The following ATXN2L variants were observed in gnomAD, a reference collection of about 807,000 sequenced individuals.
ATXN2L encodes the protein ataxin 2 like.
In ATXN2L, 24 loss-of-function variants were observed where a neutral mutation model predicts 120.7. The ratio of observed to expected loss-of-function variants is 0.20; its 90% confidence interval spans 0.14 to 0.28. The LOEUF (loss-of-function observed/expected upper bound fraction) is 0.28. Ranked by LOEUF, ATXN2L falls within the 10% of genes least tolerant of loss-of-function variation. The pLI is 1.00. For synonymous variants in ATXN2L, 653 were observed against 568.1 expected (o/e 1.15, Z -2.13); for missense variants, 1,312 against 1,432.3 (o/e 0.92, Z 1.36).
chr16:28,826,107 T>G, intron 4 of ATXN2L, 133 bp from the exon 5 acceptor site: 1 of 1,083,352 alleles, frequency 9.2e-7, no homozygotes, highest in Non-Finnish European at 1.3e-6. Context: ...CCAAGCATGT[T>G]GAGGATGTAG....
At position 28,823,335 on chromosome 16, in the gene ATXN2L, C is replaced by T. The variant is rs777454949; in HGVS notation, c.76C>T (p.Arg26Trp). The change falls in exon 1 of 22, where the codon CGG becomes TGG. Residue 26 changes from arginine to tryptophan, a missense_variant. Coordinates refer to ENST00000336783, the MANE Select transcript of ATXN2L (RefSeq NM_007245.4). The part of the protein sequence containing the change: ...PPPTQQAVAR[R>W]PPGGTSPPNG... The stretch of plus-strand genomic sequence containing the variant: ...CCCCACGCAACAGGCCGTGGCCCGT[C>T]GGCCCCCCGGGGGCACCAGCCCTCC... The T allele has an allele frequency of 2.9e-6, 4 of 1,394,680 alleles. No homozygotes were observed. In the African/African-American group the frequency reaches 6.0e-5, roughly 21 times the overall value. The allele number at this position is 1,394,680 out of a possible 1,614,324, so 86.4% of individuals were successfully genotyped here.
chr16:28,823,454 CG>C lies in ATXN2L; in HGVS notation c.198del (p.Ser67AlafsTer71). The C allele has an allele frequency of 7.5e-7, 1 of 1,329,350 alleles. No individual in the cohort carries two copies. The highest frequency in any genetic ancestry group is 9.6e-7 in the Non-Finnish European group (1 of 1,045,726). 82.3% of individuals were successfully genotyped at this position (1,329,350 alleles called of 1,614,324 possible). Reference sequence around the variant, plus strand: ...CCTGCCTGGGGCCTGTGGCCGCTGCCGGGAGCGGGCTCCGCCGGGGAGCCGA... The same window carrying C: ...CCTGCCTGGGGCCTGTGGCCGCTGCCGGAGCGGGCTCCGCCGGGGAGCCGA... ...SPCLGPVAAA[G>X]SGLRRGAEGI... On this transcript the variant is annotated frameshift_variant, in exon 1 of 22. Transcript: ENST00000336783. LOFTEE classifies it high-confidence loss of function.
chr16:28,825,344 A>G, intron 1 of ATXN2L, 22 bp from the exon 2 acceptor site: 12 of 1,613,176 alleles, frequency 7.4e-6, no homozygotes, highest in Non-Finnish European at 1.0e-5. Context: ...AGACTTAAGT[A>G]ATTTCTTGTT....
At chr16:28,826,522 C>T (rs1363924017) in intron 5 of ATXN2L, 132 bp downstream of exon 5, 9 of 1,032,322 alleles carry the variant, frequency 8.7e-6, no homozygotes, top group African/African-American at 4.8e-5. Flanking sequence ...TGCTTTAATG[C>T]CTTTTTTTTC....
At chr16:28,826,751 G>A in intron 5 of ATXN2L, 111 bp from the exon 6 acceptor site, 1 of 1,332,104 alleles carries the variant, frequency 7.5e-7, no homozygotes. Context: ...ACGTACTCTG[G>A]ACTTCTTAAA....
At chr16:28,829,195 C>T (rs1027195286) in intron 6 of ATXN2L, among the ~76,000 whole-genome samples, 4 of 152,112 alleles carry the variant, frequency 2.6e-5, no homozygotes. Context: ...TAGAGATGAG[C>T]TCTTGCTGTG....
chr16:28,826,567 T>C, intron 5 of ATXN2L, 177 bp downstream of exon 5: 2 of 690,516 alleles, frequency 2.9e-6, no homozygotes, highest in Non-Finnish European at 4.7e-6. Context: ...TTCTTAAAAA[T>C]ATGTCTTGAT....
intron 1 of ATXN2L, 34 bp downstream of exon 1, chr16:28,823,592 G>C (rs1389383008): frequency 7.7e-7 from 1 of 1,300,068 alleles, no homozygotes; most frequent in Non-Finnish European, 9.7e-7. Context: ...AGGGAGCCGC[G>C]GCCACCCAGA....
chr16:28,832,678 G>C, intron 12 of ATXN2L, 111 bp downstream of exon 12: 1 of 1,412,668 alleles, frequency 7.1e-7, no homozygotes, highest in Non-Finnish European at 9.9e-7. Context: ...ATCAGTCCTT[G>C]GATTATAATT....
In ATXN2L at chr16:28,829,313, CA is replaced by C. The variant is rs956401594; in HGVS notation, c.742-87del. 10 of 916,970 alleles carry C rather than the reference CA, an allele frequency of 1.1e-5. No homozygotes were observed. In the African/African-American group the frequency reaches 1.6e-4, roughly 15 times the overall value. The allele number at this position is 916,970 out of a possible 1,614,324, so 56.8% of individuals were successfully genotyped here. A position where few individuals can be genotyped will look rare whatever the true frequency, so the allele number is the denominator to read the frequency against. ...CCACTGTGCCCAGCCAATTTGTTCACATCTTGGAGTTTTTAACCTGATGGAA... is the reference window on the plus strand; with the variant it reads ...CCACTGTGCCCAGCCAATTTGTTCACTCTTGGAGTTTTTAACCTGATGGAA... On this transcript the variant is annotated intron_variant, in intron 6 of 21. Transcript: ENST00000336783.
At chr16:28,826,584 T>C (rs530361964) in intron 5 of ATXN2L, 194 bp downstream of exon 5, 20 of 638,382 alleles carry the variant, frequency 3.1e-5, no homozygotes, top group East Asian at 3.1e-4. Flanking sequence ...TGATGTCTAA[T>C]ATATAATGCG....
Position 28,823,294 on chromosome 16 carries a change from A to T in ATXN2L, c.35A>T (p.Gln12Leu), listed in dbSNP as rs1464984319. ...CCTCAGCCGCTACAACAGCCCTCCCAGCCCCAGCAGCCGCCCCCCACGCAA... is the reference window on the plus strand; with the variant it reads ...CCTCAGCCGCTACAACAGCCCTCCCTGCCCCAGCAGCCGCCCCCCACGCAA... ...LKPQPLQQPS[Q>L]PQQPPPTQQA... is the part of the protein sequence containing the mutation. The change falls in exon 1 of 22, where the codon CAG becomes CTG. Residue 12 changes from glutamine (Q) to leucine (L), a missense_variant. Coordinates refer to ENST00000336783, the MANE Select transcript of ATXN2L (RefSeq NM_007245.4). 2.0e-6 allele frequency: 3 copies of T among 1,492,704 alleles called. No homozygotes were observed. The allele number at this position is 1,492,704 out of a possible 1,614,324, so 92.5% of individuals were successfully genotyped here.
intron 4 of ATXN2L, 46 bp from the exon 5 acceptor site, chr16:28,826,194 T>G (rs8049439): frequency 6.2e-7 from 1 of 1,601,696 alleles, no homozygotes; most frequent in Non-Finnish European, 8.5e-7. Flanking sequence ...TTGCCTTCAC[T>G]TTTCTTGAAA....
intron 15 of ATXN2L, 158 bp from the exon 16 acceptor site, chr16:28,833,907 C>T (rs1380702331): frequency 3.6e-6 from 3 of 838,452 alleles, no homozygotes; most frequent in Non-Finnish European, 5.5e-6. Flanking sequence ...CTTTAGAATA[C>T]TCATCTCCTC....
chr16:28,835,106 G>C lies in ATXN2L; in HGVS notation c.2482G>C (p.Gly828Arg). Residue 828 changes from glycine to arginine, a missense_variant, in exon 19 of 22, where the codon GGC becomes CGC. Coordinates refer to ENST00000336783, the MANE Select transcript of ATXN2L (RefSeq NM_007245.4). ...LQSNPRMLTSGSHPQAIVSSS... is the reference protein window; with the variant it reads ...LQSNPRMLTSRSHPQAIVSSS... ...GAGCAACCCACGCATGCTGACGTCG[G>C]GCAGCCATCCCCAGGCCATCGTGTC... 9.9e-6 allele frequency: 16 copies of C among 1,613,856 alleles called. No homozygotes were observed. The highest frequency in any genetic ancestry group is 1.4e-5 in the Non-Finnish European group (16 of 1,179,916).
In ATXN2L at chr16:28,823,160, T is replaced by G; in HGVS notation, c.-100T>G. ...CCGCCCGCCCACGGCGGGCCCCGGC[T>G]GCCCGATCCCCCTCGCTTCCCGCGC... is the stretch of plus-strand genomic sequence containing the variant. On this transcript the variant is annotated 5_prime_UTR_variant, in exon 1 of 22. Transcript: ENST00000336783. The G allele has an allele frequency of 1.6e-6, 1 of 609,232 alleles. No individual in the cohort carries two copies. The highest frequency in any genetic ancestry group is 2.2e-6 in the Non-Finnish European group (1 of 464,096). 37.7% of individuals were successfully genotyped at this position (609,232 alleles called of 1,614,324 possible).
chr16:28,823,297 C>A lies in ATXN2L; in HGVS notation c.38C>A (p.Pro13His). ...CAGCCGCTACAACAGCCCTCCCAGCCCCAGCAGCCGCCCCCCACGCAACAG... is the reference window on the plus strand; with the variant it reads ...CAGCCGCTACAACAGCCCTCCCAGCACCAGCAGCCGCCCCCCACGCAACAG... ...KPQPLQQPSQPQQPPPTQQAV... is the reference protein window; with the variant it reads ...KPQPLQQPSQHQQPPPTQQAV... The change falls in exon 1 of 22, where the codon CCC (proline) becomes CAC (histidine). Residue 13 changes from proline (P) to histidine (H), a missense_variant. By Grantham distance (77) the Pro-to-His change is moderately conservative. Coordinates refer to ENST00000336783, the MANE Select transcript of ATXN2L (RefSeq NM_007245.4). 6.7e-7 allele frequency: 1 copy of A among 1,497,828 alleles called. No homozygotes were observed. Among genetic ancestry groups the A allele is most frequent in the Non-Finnish European group, 8.9e-7 (1 of 1,124,922 alleles). The allele number at this position is 1,497,828 out of a possible 1,614,324, so 92.8% of individuals were successfully genotyped here.
rs768828627 is a variant in ATXN2L at position 28,832,226 on chromosome 16, G to A, written c.1343G>A (p.Arg448His). The A allele has an allele frequency of 2.2e-5, 35 of 1,613,886 alleles. No individual in the cohort carries two copies. Among genetic ancestry groups the A allele is most frequent in the East Asian group, 4.5e-5 (2 of 44,898 alleles). Residue 448 changes from arginine (R) to histidine (H), a missense_variant, in exon 11 of 22, where the codon CGT becomes CAT. By Grantham distance (29) the Arg-to-His change is conservative (BLOSUM62 0). Transcript: ENST00000336783. ...PPAVGRMYPPRSPKSAAPAPI... is the reference protein window; with the variant it reads ...PPAVGRMYPPHSPKSAAPAPI... The stretch of plus-strand genomic sequence containing the variant: ...CCAGTGGGCCGGATGTATCCCCCGC[G>A]TTCTCCCAAGTCTGCTGCCCCTGCC...
At chr16:28,829,060 A>G (rs72793812) in intron 6 of ATXN2L, among the ~76,000 whole-genome samples, 43,714 of 152,010 alleles carry the variant, frequency 0.29, 8,128 homozygotes, top group Non-Finnish European at 0.39. Flanking sequence ...CAGTGGTGCC[A>G]TAATAATTCA....
Sources: gnomAD v4.1 joint callset for allele counts (sites outside exome capture counted in the v4.1 genomes callset) on GRCh38, gnomAD v4.1.1 for gene constraint, MANE v1.5 for transcripts, NCBI Gene and HGNC (gene_info 2026-07-23, HGNC 2026-07-21) for gene names.